The following DOCK1 variants were observed in gnomAD, a reference collection of about 807,000 sequenced individuals.
DOCK1 encodes the protein dedicator of cytokinesis protein 1.
DOCK1 carries 138 observed loss-of-function variants against 262.7 expected under a neutral mutation model. The observed-to-expected ratio is 0.53, with a 90% CI of 0.46 to 0.61. The LOEUF (loss-of-function observed/expected upper bound fraction) is 0.61. DOCK1 is among the 20% of genes least tolerant of loss of function. The pLI is 0.00. For missense variants in DOCK1, 1,908 were observed against 2,370.7 expected (o/e 0.80, Z 4.05); for synonymous variants, 866 against 867.4 (o/e 1.00, Z 0.03).
chr10:127,106,905 G>A (rs1287958528), intron 24 of DOCK1, among the ~76,000 whole-genome samples: 1 of 151,932 alleles, frequency 6.6e-6, no homozygotes, highest in African/African-American at 2.4e-5. Context: ...CTAATCTGTT[G>A]GTATCACTGC....
Position 127,060,068 on chromosome 10 carries a change from G to C in DOCK1, c.2337-1600G>C, listed in dbSNP as rs76437981. Among the ~76,000 whole-genome samples the C allele has an allele frequency of 8.0e-3, 1,218 of 152,170 alleles. 15 individuals are homozygous for C. Among genetic ancestry groups the C allele is most frequent in the African/African-American group, 0.028 (1,168 of 41,504 alleles). ...CTCTGGCTTTCTAGGATTTTCATCT[G>C]AGAGTCGGCTCTGTTACCTGGGGAC... On this transcript the variant is annotated intron_variant, in intron 22 of 51. Coordinates refer to ENST00000623213, the MANE Select transcript of DOCK1 (RefSeq NM_001290223.2).
At chr10:127,221,858 G>T (rs2058448894) in intron 27 of DOCK1, among the ~76,000 whole-genome samples, 1 of 152,116 alleles carries the variant, frequency 6.6e-6, no homozygotes, top group African/African-American at 2.4e-5. Context: ...TTAATGGAAT[G>T]CCTTAGTGCT....
At chr10:127,181,868 C>T (rs950244857) in intron 27 of DOCK1, among the ~76,000 whole-genome samples, 2 of 152,208 alleles carry the variant, frequency 1.3e-5, no homozygotes, top group Non-Finnish European at 2.9e-5. Context: ...TGGAAGTCCT[C>T]TTTTCCTTGG....
intron 46 of DOCK1, among the ~76,000 whole-genome samples, chr10:127,420,682 A>G (rs1794973236): frequency 6.6e-6 from 1 of 151,948 alleles, no homozygotes; most frequent in Non-Finnish European, 1.5e-5. Context: ...ACAGGGCAAG[A>G]TACAAAATTA....
chr10:127,411,743 G>A (rs1329391148), intron 43 of DOCK1, among the ~76,000 whole-genome samples: 1 of 152,066 alleles, frequency 6.6e-6, no homozygotes, highest in Non-Finnish European at 1.5e-5. Flanking sequence ...GGGAGGCTGA[G>A]GCGGGAGAAT....
In DOCK1 at chr10:127,415,221, G is replaced by A; in HGVS notation, c.4498G>A (p.Val1500Ile). ...KLPGILRWFE[V>I]KSVFMVEISP... ...ACCTGGAATTTTAAGGTGGTTTGAG[G>A]TCAAGTCTGTTTTCATGGTAAGGAT... is the stretch of plus-strand genomic sequence containing the variant. The change falls in exon 44 of 52, where the codon GTC becomes ATC. Residue 1500 changes from valine to isoleucine, a missense_variant. Val to Ile is a conservative substitution (Grantham distance 29). Coordinates refer to ENST00000623213, the MANE Select transcript of DOCK1 (RefSeq NM_001290223.2). The A allele has an allele frequency of 6.2e-7, 1 of 1,612,690 alleles. No homozygotes were observed. Among genetic ancestry groups the A allele is most frequent in the Non-Finnish European group, 8.5e-7 (1 of 1,179,662 alleles).
intron 29 of DOCK1, among the ~76,000 whole-genome samples, chr10:127,293,566 A>C (rs2061413291): frequency 6.6e-6 from 1 of 152,148 alleles, no homozygotes; most frequent in Admixed American, 6.5e-5. Flanking sequence ...CCTTGACCAA[A>C]GCATGCTTCC....
chr10:127,316,926 A>G (rs914735290), intron 29 of DOCK1, among the ~76,000 whole-genome samples: 5 of 152,172 alleles, frequency 3.3e-5, no homozygotes, highest in Non-Finnish European at 4.4e-5. Context: ...AAATATCAGC[A>G]TGGAACATAA....
chr10:127,130,978 G>A (rs1380614385), intron 27 of DOCK1, among the ~76,000 whole-genome samples: 1 of 152,114 alleles, frequency 6.6e-6, no homozygotes, highest in Admixed American at 6.6e-5. Context: ...CTATCATGTC[G>A]TATCCATGGT....
chr10:127,157,918 A>G (rs1467982187), intron 27 of DOCK1, among the ~76,000 whole-genome samples: 1 of 152,350 alleles, frequency 6.6e-6, no homozygotes, highest in Middle Eastern at 3.4e-3. Flanking sequence ...AGCTGCCAGC[A>G]GCTGGTGTCA....
intron 29 of DOCK1, among the ~76,000 whole-genome samples, chr10:127,258,307 A>G (rs1275336726): frequency 1.3e-5 from 2 of 151,820 alleles, no homozygotes; most frequent in East Asian, 3.9e-4. Context: ...TCCCCACTCC[A>G]CCATCCGTAA....
chr10:127,127,160 A>G (rs2050017370), intron 26 of DOCK1, among the ~76,000 whole-genome samples: 1 of 152,270 alleles, frequency 6.6e-6, no homozygotes, highest in Non-Finnish European at 1.5e-5. Flanking sequence ...AGAAGAATCA[A>G]CAATCGCATC....
intron 1 of DOCK1, among the ~76,000 whole-genome samples, chr10:126,927,745 T>C (rs2033866057): frequency 6.6e-6 from 1 of 152,168 alleles, no homozygotes; most frequent in Non-Finnish European, 1.5e-5. Flanking sequence ...CCTGTCTTCA[T>C]TCTTTCACGT....
rs777293748 is a variant in DOCK1 at position 127,374,077 on chromosome 10, A to G, written c.3538A>G (p.Lys1180Glu). The G allele has an allele frequency of 6.2e-7, 1 of 1,612,720 alleles. No homozygotes were observed. The highest frequency in any genetic ancestry group is 8.5e-7 in the Non-Finnish European group (1 of 1,179,302). The change falls in exon 35 of 52, where the codon AAG (lysine) becomes GAG (glutamate). Residue 1180 changes from lysine (K) to glutamate (E), a missense_variant. Around this residue, in one of 9 missense-constraint regions of DOCK1, gnomAD observed 518 missense variants for 575.1 expected, o/e 0.90. Coordinates refer to ENST00000623213, the MANE Select transcript of DOCK1 (RefSeq NM_001290223.2). ...TTTCAGCCTTCTGGAACACTGCAGG[A>G]AGCACAAATACCTCGCCAAAACAGG... is the stretch of plus-strand genomic sequence containing the variant. ...FDKILLEHCR[K>E]HKYLAKTGET...
chr10:127,222,822 C>T (rs7913532), intron 27 of DOCK1, among the ~76,000 whole-genome samples: 1 of 95,392 alleles, frequency 1.0e-5, no homozygotes, highest in Non-Finnish European at 2.5e-5. Flanking sequence ...CTTGCCACTA[C>T]GCCTGGCTAA....
Position 127,317,229 on chromosome 10 carries a change from C to T in DOCK1, c.3045-21777C>T, listed in dbSNP as rs536822549. Among the ~76,000 whole-genome samples the T allele has an allele frequency of 6.6e-5, 10 of 152,228 alleles. 1 individual carries two copies. In the South Asian group the frequency reaches 2.1e-3, roughly 32 times the overall value. On this transcript the variant is annotated intron_variant, in intron 29 of 51. Coordinates refer to ENST00000623213, the MANE Select transcript of DOCK1 (RefSeq NM_001290223.2). ...CACCTTGTATTCTTATTTAAAAATCCCAAGTTAAAAACAGCCCTGGCCTTT... is the reference window on the plus strand; with the variant it reads ...CACCTTGTATTCTTATTTAAAAATCTCAAGTTAAAAACAGCCCTGGCCTTT...
chr10:127,168,484 C>T (rs1382242525), intron 27 of DOCK1, among the ~76,000 whole-genome samples: 1 of 152,218 alleles, frequency 6.6e-6, no homozygotes, highest in African/African-American at 2.4e-5. Flanking sequence ...CTGGCCAGAG[C>T]CAGGGAACAC....
Position 126,981,903 on chromosome 10 carries a change from T to C in DOCK1, c.172-15T>C. ...ATTGATAATAAAAGCTACTGTTTTT[T>C]TTTTCCTCCCAAAGGGTATATTTCC... On this transcript the variant is annotated splice_polypyrimidine_tract_variant and intron_variant, in intron 3 of 51. Transcript: ENST00000623213. 1 of 1,603,766 alleles carries C rather than the reference T, an allele frequency of 6.2e-7. No homozygotes were observed. Among genetic ancestry groups the C allele is most frequent in the Non-Finnish European group, 8.5e-7 (1 of 1,177,086 alleles).
In DOCK1 at chr10:127,248,048, T is replaced by C; in HGVS notation, c.2888T>C (p.Met963Thr). The C allele has an allele frequency of 6.2e-7, 1 of 1,614,002 alleles. No homozygotes were observed. The highest frequency in any genetic ancestry group is 8.5e-7 in the Non-Finnish European group (1 of 1,179,892). Residue 963 changes from methionine to threonine, a missense_variant, in exon 28 of 52, where the codon ATG becomes ACG. By Grantham distance (81) the Met-to-Thr change is moderately conservative. Transcript: ENST00000623213. ...VACMTAILRQ[M>T]EDYHYAHLIK... Reference sequence around the variant, plus strand: ...TGCATGACAGCTATTTTACGACAAATGGAAGATTACCATTATGCCCACTTG... The same window carrying C: ...TGCATGACAGCTATTTTACGACAAACGGAAGATTACCATTATGCCCACTTG...
Sources: allele counts gnomAD v4.1 joint callset (sites outside exome capture counted in the v4.1 genomes callset), GRCh38; gene constraint gnomAD v4.1.1; regional missense constraint gnomAD v4.1.1; transcripts MANE v1.5; gene names NCBI Gene and HGNC (gene_info 2026-07-23, HGNC 2026-07-21).